The following MICU2 variants were observed in gnomAD, a reference collection of about 807,000 sequenced individuals.
The protein encoded by MICU2 is calcium uptake protein 2, mitochondrial.
Under a neutral mutation model 60.4 loss-of-function variants are expected in MICU2, and 64 were observed. The observed-to-expected ratio is 1.06, with a 90% CI of 0.87 to 1.31. The LOEUF is 1.31. Ranked by LOEUF, MICU2 falls within the 50% of genes most tolerant of loss-of-function variation. The pLI, the probability that MICU2 is intolerant of heterozygous loss-of-function variation, is 0.00. For synonymous variants in MICU2, 201 were observed against 175.0 expected, an observed-to-expected ratio of 1.15 and a Z score of -1.17; for missense variants, 569 against 531.0, an observed-to-expected ratio of 1.07 and a Z score of -0.70.
chr13:21,600,881 C>T (rs1053829033), intron 1 of MICU2, among the ~76,000 whole-genome samples: 2 of 152,148 alleles, frequency 1.3e-5, no homozygotes. Flanking sequence ...CCTGCAAGCT[C>T]CGCCTCCCAG....
intron 1 of MICU2, among the ~76,000 whole-genome samples, chr13:21,569,129 T>C (rs369558230): frequency 5.9e-5 from 9 of 152,174 alleles, no homozygotes; most frequent in Non-Finnish European, 1.0e-4. Flanking sequence ...GAGGCTGTCA[T>C]TGAATTGCAG....
chr13:21,494,312 TACCA>T (rs1169654500), intron 11 of MICU2, among the ~76,000 whole-genome samples: 1 of 152,190 alleles, frequency 6.6e-6, no homozygotes, highest in Non-Finnish European at 1.5e-5. Context: ...CTTGCCTACC[TACCA>T]ACCATGTAGA....
At chr13:21,548,984 T>C (rs1201726644) in intron 2 of MICU2, among the ~76,000 whole-genome samples, 6 of 143,502 alleles carry the variant, frequency 4.2e-5, no homozygotes, top group Admixed American at 7.6e-5. Flanking sequence ...TGGAGTGCAG[T>C]GGCACAATCT....
At position 21,566,884 on chromosome 13, in the gene MICU2, T is replaced by A; in HGVS notation, c.271A>T (p.Met91Leu). ...TCATGTTCGAGTGAAGAAAACTGCA[T>A]GAAGCGCTGCTTACGAAGAGACGGT... ...GKPSLRKQRF[M>L]QFSSLEHEGE... The change falls in exon 2 of 12, where the codon ATG becomes TTG. Residue 91 changes from methionine (M) to leucine (L), a missense_variant. Physicochemically the swap from Met to Leu is conservative, Grantham distance 15. Transcript: ENST00000382374. 6.2e-7 allele frequency: 1 copy of A among 1,613,172 alleles called. No individual in the cohort carries two copies. Among genetic ancestry groups the A allele is most frequent in the Non-Finnish European group, 8.5e-7 (1 of 1,179,644 alleles).
intron 4 of MICU2, among the ~76,000 whole-genome samples, chr13:21,535,911 G>T (rs1311443991): frequency 1.3e-5 from 2 of 152,166 alleles, no homozygotes; most frequent in African/African-American, 4.8e-5. Flanking sequence ...AAGTGAGGAT[G>T]AAAGAGATTA....
At chr13:21,538,829 T>C (rs1459937952) in intron 4 of MICU2, among the ~76,000 whole-genome samples, 1 of 152,144 alleles carries the variant, frequency 6.6e-6, no homozygotes, top group African/African-American at 2.4e-5. Context: ...ACTGTACTTG[T>C]TAAAATGTCA....
intron 4 of MICU2, among the ~76,000 whole-genome samples, chr13:21,530,347 C>T (rs951102807): frequency 1.3e-5 from 2 of 152,110 alleles, no homozygotes; most frequent in African/African-American, 4.8e-5. Context: ...GCTCATTCCT[C>T]TATTTCTCGT....
intron 9 of MICU2, among the ~76,000 whole-genome samples, chr13:21,502,060 T>C (rs540627780): frequency 3.3e-5 from 5 of 152,234 alleles, no homozygotes; most frequent in Non-Finnish European, 7.3e-5. Flanking sequence ...GCTGTATTTA[T>C]AATTCTAAGA....
In MICU2 at chr13:21,496,180, T is replaced by TA. The variant is rs1477206571; in HGVS notation, c.934-21dup. 1 of 1,557,628 alleles carries TA rather than the reference T, an allele frequency of 6.4e-7. No individual in the cohort carries two copies. Among genetic ancestry groups the TA allele is most frequent in the Non-Finnish European group, 8.8e-7 (1 of 1,135,184 alleles). On this transcript the variant is annotated intron_variant, in intron 9 of 11. Coordinates refer to ENST00000382374, the MANE Select transcript of MICU2 (RefSeq NM_152726.3). ...AATGCTCTAATAAAGTAAGAGTTTT[T>TA]ATTACAATTTTGTAAGTACATTAAA...
intron 4 of MICU2, among the ~76,000 whole-genome samples, chr13:21,535,359 T>C (rs1445245538): frequency 6.6e-6 from 1 of 151,964 alleles, no homozygotes; most frequent in Non-Finnish European, 1.5e-5. Flanking sequence ...TAACTCAGTT[T>C]ATATCCACAG....
intron 1 of MICU2, among the ~76,000 whole-genome samples, chr13:21,589,501 C>T (rs1888528104): frequency 6.6e-6 from 1 of 152,196 alleles, no homozygotes; most frequent in Admixed American, 6.5e-5. Context: ...TAAGGAAACA[C>T]AAGGGTAGGG....
intron 1 of MICU2, among the ~76,000 whole-genome samples, chr13:21,600,010 A>G (rs73445747): frequency 0.023 from 3,451 of 152,314 alleles, 135 homozygotes; most frequent in African/African-American, 0.08. Flanking sequence ...AATTTATGAA[A>G]ACAATGAAAC....
intron 1 of MICU2, among the ~76,000 whole-genome samples, chr13:21,571,317 C>G (rs1171091320): frequency 6.6e-6 from 1 of 152,046 alleles, no homozygotes; most frequent in East Asian, 1.9e-4. Context: ...TAATAAACGT[C>G]AAGATATCAA....
chr13:21,552,521 T>C (rs1162794450), intron 2 of MICU2, among the ~76,000 whole-genome samples: 1 of 152,222 alleles, frequency 6.6e-6, no homozygotes, highest in Non-Finnish European at 1.5e-5. Flanking sequence ...ATGTCCTGAA[T>C]GGTATTGCCT....
intron 6 of MICU2, among the ~76,000 whole-genome samples, chr13:21,516,407 C>A (rs1396525640): frequency 6.6e-6 from 1 of 152,104 alleles, no homozygotes; most frequent in African/African-American, 2.4e-5. Flanking sequence ...TAGTCTGTTG[C>A]CATTTATTGT....
intron 1 of MICU2, among the ~76,000 whole-genome samples, chr13:21,569,684 TG>T (rs557491979): frequency 6.6e-6 from 1 of 151,674 alleles, no homozygotes; most frequent in Admixed American, 6.6e-5. Context: ...TATAATACTC[TG>T]TATTATAGTA....
chr13:21,543,507 C>A (rs1887333001), intron 2 of MICU2, among the ~76,000 whole-genome samples: 1 of 152,096 alleles, frequency 6.6e-6, no homozygotes, highest in Non-Finnish European at 1.5e-5. Context: ...AAATCAGTAG[C>A]ATTTTCTATA....
At chr13:21,580,602 G>GTAACTCTTAAATATTTAAGAA in intron 1 of MICU2, among the ~76,000 whole-genome samples, 1 of 151,900 alleles carries the variant, frequency 6.6e-6, no homozygotes, top group Non-Finnish European at 1.5e-5. Context: ...ATATTTAAGA[G>GTAACTCTTAAATATTTAAGAA]TAACTCTTAA....
intron 1 of MICU2, among the ~76,000 whole-genome samples, chr13:21,575,863 CTTTAG>C (rs1426549512): frequency 1.3e-5 from 2 of 151,050 alleles, no homozygotes; most frequent in East Asian, 2.0e-4. Context: ...GAATGAGCTA[CTTTAG>C]TTTATTTTCC....
Sources: gnomAD v4.1 joint callset for allele counts (sites outside exome capture counted in the v4.1 genomes callset) on GRCh38, gnomAD v4.1.1 for gene constraint, MANE v1.5 for transcripts, NCBI Gene and HGNC (gene_info 2026-07-23, HGNC 2026-07-21) for gene names.